The following CFLAR variants were observed in gnomAD, a reference collection of about 807,000 sequenced individuals.
CFLAR encodes the protein CASP8 and FADD like apoptosis regulator.
Under a neutral mutation model 51.1 loss-of-function variants are expected in CFLAR, and 14 were observed. The ratio of observed to expected loss-of-function variants is 0.27; its 90% CI spans 0.18 to 0.43. The LOEUF (loss-of-function observed/expected upper bound fraction) is 0.43, where lower values mean the gene tolerates loss of function less well. CFLAR is among the 20% of genes least tolerant of loss of function. The pLI, the probability that CFLAR is intolerant of heterozygous loss-of-function variation, is 1.00. For synonymous variants in CFLAR, 210 were observed against 211.6 expected, an observed-to-expected ratio of 0.99 and a Z score of 0.06; for missense variants, 390 against 566.5, an observed-to-expected ratio of 0.69 and a Z score of 3.16.
rs962761171 is a variant in CFLAR, at chr2:201,118,333, A to C, written c.-138+1852A>C. Among the ~76,000 whole-genome samples, 23 of 152,048 alleles carry C rather than the reference A, an allele frequency of 1.5e-4. No individual in the cohort carries two copies. ...TCGCTGGGTTTCCCCCTCCCCCCGA[A>C]AGTCTTGCGCGACCCGGGGTGGGCC... On this transcript the variant is annotated intron_variant, in intron 1 of 9. Coordinates refer to ENST00000309955, the MANE Select transcript of CFLAR (RefSeq NM_003879.7). This position sits in a 1 kb window ranked among gnomAD's most constrained non-coding sequence, Gnocchi z 5.1.
intron 9 of CFLAR, among the ~76,000 whole-genome samples, chr2:201,161,738 C>CTTT (rs3044256): frequency 4.9e-5 from 5 of 101,266 alleles, no homozygotes; most frequent in Admixed American, 2.4e-4. Flanking sequence ...TTTAATTTTT[C>CTTT]TTTTTTTTTT....
rs1315140653 is a variant in CFLAR at position 201,169,811 on chromosome 2, C to G, written c.*5838C>G. 6.6e-6 allele frequency: 1 copy of G among 152,152 alleles called. No individual in the cohort carries two copies. The highest frequency in any genetic ancestry group is 2.4e-5 in the African/African-American group (1 of 41,430). 9.4% of individuals were successfully genotyped at this position (152,152 alleles called of 1,614,324 possible). ...GGACAAAGGACATGAACAGACACTT[C>G]TCAAAAGAAGACATTTATGTGGCCA... On this transcript the variant is annotated 3_prime_UTR_variant, in exon 10 of 10. Coordinates refer to ENST00000309955, the MANE Select transcript of CFLAR (RefSeq NM_003879.7).
At chr2:201,119,462 T>C (rs886585424) in intron 1 of CFLAR, among the ~76,000 whole-genome samples, 1 of 152,180 alleles carries the variant, frequency 6.6e-6, no homozygotes, top group Non-Finnish European at 1.5e-5. Flanking sequence ...TTTATTTGTT[T>C]GTTTGTTTTG....
At chr2:201,132,451 A>ATATATATG (rs2049460110) in intron 2 of CFLAR, among the ~76,000 whole-genome samples, 1 of 150,232 alleles carries the variant, frequency 6.7e-6, no homozygotes, top group Non-Finnish European at 1.5e-5. Flanking sequence ...ATATATATAT[A>ATATATATG]TATAGTGTTA....
chr2:201,151,023 C>G (rs1167168612), intron 8 of CFLAR: 2 of 152,090 alleles, frequency 1.3e-5, no homozygotes, highest in East Asian at 3.8e-4. Flanking sequence ...ATCACATGCC[C>G]CATCATTTCA....
intron 8 of CFLAR, among the ~76,000 whole-genome samples, chr2:201,160,192 C>T (rs1035658232): frequency 3.3e-5 from 5 of 152,120 alleles, no homozygotes; most frequent in Non-Finnish European, 5.9e-5. Flanking sequence ...CTGTGGCTGG[C>T]ATCAGGCAGG....
chr2:201,119,213 C>T (rs1418779201), intron 1 of CFLAR: 1 of 152,246 alleles, frequency 6.6e-6, no homozygotes, highest in Non-Finnish European at 1.5e-5. Flanking sequence ...TCAGTATAAT[C>T]CTACCAACAT....
intron 7 of CFLAR, chr2:201,149,544 T>G: frequency 2.5e-6 from 1 of 399,330 alleles, no homozygotes; most frequent in Non-Finnish European, 4.5e-6. Flanking sequence ...TAAATAAAAA[T>G]GAAAATAATT....
In CFLAR at chr2:201,129,793, C is replaced by A; in HGVS notation, c.-73C>A. 1.4e-6 allele frequency: 2 copies of A among 1,420,690 alleles called. No individual in the cohort carries two copies. Among genetic ancestry groups the A allele is most frequent in the Non-Finnish European group, 1.9e-6 (2 of 1,032,692 alleles). The allele number at this position is 1,420,690 out of a possible 1,614,324, so 88.0% of individuals were successfully genotyped here. On this transcript the variant is annotated 5_prime_UTR_variant, in exon 2 of 10. The change creates a new upstream start codon in the 5' untranslated region. Coordinates refer to ENST00000309955, the MANE Select transcript of CFLAR (RefSeq NM_003879.7). ...AGCCCTCAGAAATGAAGTTGACTGC[C>A]TGCTGGCTTTCTGTTGACTGGCCCG...
rs143573660 is a variant in CFLAR, at chr2:201,157,339, C to A, written c.794-3093C>A. On this transcript the variant is annotated intron_variant, in intron 8 of 9. Coordinates refer to ENST00000309955, the MANE Select transcript of CFLAR (RefSeq NM_003879.7). ...TATTTTTGGTAGAGATGGGGTTTCG[C>A]CATGTTGCCCAGGCTGGTCTCAAAC... Among the ~76,000 whole-genome samples, 960 of 152,246 alleles carry A rather than the reference C, an allele frequency of 6.3e-3. 19 individuals are homozygous for A. Among genetic ancestry groups the A allele is most frequent in the East Asian group, 0.036 (187 of 5,174 alleles).
intron 5 of CFLAR, among the ~76,000 whole-genome samples, chr2:201,142,461 A>G (rs1347889590): frequency 6.6e-6 from 1 of 152,166 alleles, no homozygotes; most frequent in Non-Finnish European, 1.5e-5. Context: ...AATGAACAAA[A>G]TAAGGAAACT....
At position 201,174,953 on chromosome 2, in the gene CFLAR, C is replaced by T. The variant is rs148871366; in HGVS notation, c.*10980C>T. Reference sequence around the variant, plus strand: ...CCTCTGGTTACCTTTGCTGCCCATTCTATGGTAATTATAATACATTAGCAC... The same window carrying T: ...CCTCTGGTTACCTTTGCTGCCCATTTTATGGTAATTATAATACATTAGCAC... On this transcript the variant is annotated 3_prime_UTR_variant, in exon 10 of 10. Coordinates refer to ENST00000309955, the MANE Select transcript of CFLAR (RefSeq NM_003879.7). 2.6e-5 allele frequency: 4 copies of T among 152,290 alleles called. No individual in the cohort carries two copies. The highest frequency in any genetic ancestry group is 1.3e-4 in the Admixed American group (2 of 15,302). 9.4% of individuals were successfully genotyped at this position (152,290 alleles called of 1,614,324 possible). A position where few individuals can be genotyped will look rare whatever the true frequency, so the allele number is the denominator to read the frequency against.
Position 201,171,479 on chromosome 2 carries a change from AAC to A in CFLAR, c.*7513_*7514del, listed in dbSNP as rs751509232. 1 of 150,608 alleles carries A rather than the reference AAC, an allele frequency of 6.6e-6. No individual in the cohort carries two copies. The highest frequency in any genetic ancestry group is 2.0e-4 in the East Asian group (1 of 5,068). 9.3% of individuals were successfully genotyped at this position (150,608 alleles called of 1,614,324 possible). A position where few individuals can be genotyped will look rare whatever the true frequency, so the allele number is the denominator to read the frequency against. On this transcript the variant is annotated 3_prime_UTR_variant, in exon 10 of 10. Transcript: ENST00000309955. ...AACACACGGACACAGGGATGAGATC[AAC>A]ACACACTGGGGCCTGATGCAGGGGC...
Position 201,174,383 on chromosome 2 carries a change from AATT to A in CFLAR, c.*10414_*10416del, listed in dbSNP as rs1318805268. 1 of 152,110 alleles carries A rather than the reference AATT, an allele frequency of 6.6e-6. No homozygotes were observed. Among genetic ancestry groups the A allele is most frequent in the Non-Finnish European group, 1.5e-5 (1 of 68,016 alleles). 9.4% of individuals were successfully genotyped at this position (152,110 alleles called of 1,614,324 possible). A position where few individuals can be genotyped will look rare whatever the true frequency, so the allele number is the denominator to read the frequency against. Reference sequence around the variant, plus strand: ...TGAAAATACTATTTTTTCCCTATAGAATTATTTTATACTTATCACAAATCAACT... The same window carrying A: ...TGAAAATACTATTTTTTCCCTATAGAATTTTATACTTATCACAAATCAACT... On this transcript the variant is annotated 3_prime_UTR_variant, in exon 10 of 10. Coordinates refer to ENST00000309955, the MANE Select transcript of CFLAR (RefSeq NM_003879.7).
In CFLAR at chr2:201,138,466, T is replaced by G; in HGVS notation, c.524-1891T>G. The G allele has an allele frequency of 1.1e-6, 1 of 929,058 alleles. No individual in the cohort carries two copies. The highest frequency in any genetic ancestry group is 1.8e-6 in the Non-Finnish European group (1 of 564,044). 57.6% of individuals were successfully genotyped at this position (929,058 alleles called of 1,614,324 possible). A position where few individuals can be genotyped will look rare whatever the true frequency, so the allele number is the denominator to read the frequency against. On this transcript the variant is annotated intron_variant, in intron 4 of 9. Coordinates refer to ENST00000309955, the MANE Select transcript of CFLAR (RefSeq NM_003879.7). The surrounding 1 kb of genome is among the most constrained non-coding windows in gnomAD (Gnocchi z 4.0). ...TTTCTTACTAAGCTGCAGGATCTCA[T>G]TTGCCTCTTTCAACCTCACACTGCT...
intron 2 of CFLAR, chr2:201,132,764 TTC>T (rs1174090706): frequency 8.7e-6 from 3 of 343,454 alleles, no homozygotes; most frequent in Non-Finnish European, 1.6e-5. Context: ...GAAGTTTCCA[TTC>T]TCTGAGTTGT....
chr2:201,122,151 A>C (rs1458723838), intron 1 of CFLAR, among the ~76,000 whole-genome samples: 1 of 152,220 alleles, frequency 6.6e-6, no homozygotes, highest in African/African-American at 2.4e-5. Flanking sequence ...CTATCAAATA[A>C]ATTGAAGCCT....
At chr2:201,153,997 C>T (rs1329152518) in intron 8 of CFLAR, 1 of 170,700 alleles carries the variant, frequency 5.9e-6, no homozygotes, top group African/African-American at 2.4e-5. Flanking sequence ...CTCTCCCTCC[C>T]AAGTTCAAGC....
intron 9 of CFLAR, among the ~76,000 whole-genome samples, chr2:201,161,329 C>T (rs1177801585): frequency 6.6e-6 from 1 of 152,104 alleles, no homozygotes; most frequent in Non-Finnish European, 1.5e-5. Context: ...CGTGATTGCA[C>T]TACTGCACTG....
Sources: gnomAD v4.1 joint callset for allele counts (sites outside exome capture counted in the v4.1 genomes callset) on GRCh38, gnomAD v4.1.1 for gene constraint, Gnocchi (gnomAD v3.1) non-coding constraint, MANE v1.5 for transcripts, NCBI Gene and HGNC (gene_info 2026-07-23, HGNC 2026-07-21) for gene names.